The following DPYD variants were observed in gnomAD, a reference collection of about 807,000 sequenced individuals.
DPYD encodes dihydropyrimidine dehydrogenase, also known as dihydropyrimidine dehydrogenase [NADP(+)].
In DPYD, 109 loss-of-function variants were observed where a neutral mutation model predicts 116.2. The ratio of observed to expected loss-of-function variants is 0.94; its 90% confidence interval spans 0.80 to 1.10. The LOEUF (loss-of-function observed/expected upper bound fraction) is 1.10, where lower values mean the gene tolerates loss of function less well. Among genes scored for constraint, DPYD ranks in the 50% least tolerant of loss-of-function variants. The pLI, the probability that DPYD is intolerant of heterozygous loss-of-function variation, is 0.00. For missense variants in DPYD, 1,302 were observed against 1,254.5 expected, an observed-to-expected ratio of 1.04 and a Z score of -0.57; for synonymous variants, 440 against 432.0, an observed-to-expected ratio of 1.02 and a Z score of -0.23.
At chr1:97,219,387 C>A (rs1660637198) in intron 19 of DPYD, among the ~76,000 whole-genome samples, 1 of 152,098 alleles carries the variant, frequency 6.6e-6, no homozygotes, top group South Asian at 2.1e-4. Context: ...CTGAATGATT[C>A]TGGAAAGAGA....
At chr1:97,829,876 C>T (rs1669441485) in intron 2 of DPYD, among the ~76,000 whole-genome samples, 1 of 151,758 alleles carries the variant, frequency 6.6e-6, no homozygotes, top group Non-Finnish European at 1.5e-5. Flanking sequence ...TTAGGTATTT[C>T]TCCTAATGCC....
intron 1 of DPYD, among the ~76,000 whole-genome samples, chr1:97,902,213 A>G (rs1445646339): frequency 6.6e-6 from 1 of 151,826 alleles, no homozygotes; most frequent in African/African-American, 2.4e-5. Flanking sequence ...GAAGTAAAAG[A>G]ACAATCCATA....
chr1:97,642,058 C>T (rs189084499), intron 8 of DPYD, among the ~76,000 whole-genome samples: 8 of 152,182 alleles, frequency 5.3e-5, no homozygotes, highest in Non-Finnish European at 8.8e-5. Context: ...TGTGAAGGAC[C>T]TCCTCAAGGA....
rs187354211 is a variant in DPYD at position 97,267,979 on chromosome 1, G to A, written c.2300-32985C>T. ...CAAATTCCCATCAGTCTGGGAAATC[G>A]AACAAGTTATCTACTTCCAAAAACA... On this transcript the variant is annotated intron_variant, in intron 18 of 22. Transcript: ENST00000370192. Among the ~76,000 whole-genome samples the A allele has an allele frequency of 1.1e-3, 169 of 152,150 alleles. 1 individual carries two copies. The highest frequency in any genetic ancestry group is 3.7e-3 in the African/African-American group (154 of 41,526).
chr1:97,527,142 G>C (rs1339935789), intron 12 of DPYD, among the ~76,000 whole-genome samples: 2 of 151,116 alleles, frequency 1.3e-5, no homozygotes, highest in Admixed American at 1.3e-4. Flanking sequence ...GCAGTGGCGT[G>C]ATCTCGGCTC....
chr1:97,176,867 A>AGTGTGTGTGTGTGTGTGTGTGTGTGT (rs1557914839), intron 20 of DPYD, among the ~76,000 whole-genome samples: 1 of 57,542 alleles, frequency 1.7e-5, no homozygotes, highest in Non-Finnish European at 3.2e-5. Flanking sequence ...GGGACAAAAA[A>AGTGTGTGTGTGTGTGTGTGTGTGTGT]ATGTGTGTGT....
chr1:97,292,215 T>A (rs577466237), intron 18 of DPYD, among the ~76,000 whole-genome samples: 1 of 152,274 alleles, frequency 6.6e-6, no homozygotes, highest in South Asian at 2.1e-4. Context: ...ACCTCTGCTG[T>A]ATTATAAGCT....
intron 1 of DPYD, among the ~76,000 whole-genome samples, chr1:97,900,374 G>A (rs1276333737): frequency 6.6e-6 from 1 of 151,806 alleles, no homozygotes; most frequent in African/African-American, 2.4e-5. Context: ...TTTTTACAGT[G>A]CCCAAGGTGA....
intron 16 of DPYD, among the ~76,000 whole-genome samples, chr1:97,317,410 T>A (rs1400629114): frequency 2.0e-5 from 3 of 151,948 alleles, no homozygotes; most frequent in African/African-American, 7.2e-5. Context: ...TTATGAAATA[T>A]AGGCAGCTGC....
chr1:97,244,598 T>C (rs1662588577), intron 18 of DPYD, among the ~76,000 whole-genome samples: 1 of 152,040 alleles, frequency 6.6e-6, no homozygotes. Context: ...ATATGTACTC[T>C]CTTTGGAAAC....
At chr1:97,257,350 T>C (rs534072440) in intron 18 of DPYD, among the ~76,000 whole-genome samples, 1 of 151,534 alleles carries the variant, frequency 6.6e-6, no homozygotes, top group African/African-American at 2.4e-5. Context: ...GACCTATATT[T>C]TTATAAGTGA....
intron 20 of DPYD, among the ~76,000 whole-genome samples, chr1:97,102,799 TA>T (rs1650841592): frequency 6.6e-6 from 1 of 151,994 alleles, no homozygotes; most frequent in Non-Finnish European, 1.5e-5. Context: ...CATTAAGGGC[TA>T]GTGTCAGATT....
chr1:97,658,816 C>T (rs1204576550), intron 8 of DPYD, among the ~76,000 whole-genome samples: 1 of 152,166 alleles, frequency 6.6e-6, no homozygotes, highest in African/African-American at 2.4e-5. Flanking sequence ...GACTGTATGA[C>T]TTGCTTCTTG....
intron 3 of DPYD, among the ~76,000 whole-genome samples, chr1:97,803,755 G>A (rs1389714701): frequency 2.0e-5 from 3 of 151,720 alleles, no homozygotes; most frequent in Non-Finnish European, 4.4e-5. Context: ...ATTCACTCCT[G>A]TAAACTATGA....
At chr1:97,089,414 A>T (rs779783675) in intron 21 of DPYD, among the ~76,000 whole-genome samples, 10 of 152,216 alleles carry the variant, frequency 6.6e-5, no homozygotes, top group South Asian at 2.1e-4. Flanking sequence ...CGAGGAAACG[A>T]AACTGCCTCC....
chr1:97,424,655 C>T (rs1383284668), intron 14 of DPYD, among the ~76,000 whole-genome samples: 1 of 151,974 alleles, frequency 6.6e-6, no homozygotes, highest in African/African-American at 2.4e-5. Context: ...TATAGGATAC[C>T]TTTTGTCACC....
At chr1:97,622,581 G>C (rs944318002) in intron 8 of DPYD, among the ~76,000 whole-genome samples, 5 of 152,040 alleles carry the variant, frequency 3.3e-5, no homozygotes, top group Non-Finnish European at 5.9e-5. Flanking sequence ...GTGGACCTTA[G>C]TTAATAATAA....
At chr1:97,145,742 G>T (rs1273899908) in intron 20 of DPYD, among the ~76,000 whole-genome samples, 2 of 122,646 alleles carry the variant, frequency 1.6e-5, no homozygotes, top group African/African-American at 6.7e-5. Flanking sequence ...GAATTGTGTG[G>T]GTTTTTTTTT....
intron 2 of DPYD, among the ~76,000 whole-genome samples, chr1:97,869,898 A>C (rs1267814763): frequency 2.6e-5 from 4 of 151,862 alleles, no homozygotes; most frequent in Admixed American, 1.3e-4. Context: ...TTAAAATATG[A>C]ACATCAAATA....
Sources: gnomAD v4.1 joint callset for allele counts (sites outside exome capture counted in the v4.1 genomes callset) on GRCh38, gnomAD v4.1.1 for gene constraint, MANE v1.5 for transcripts, NCBI Gene and HGNC (gene_info 2026-07-23, HGNC 2026-07-21) for gene names.